DNAH9: variants seen among roughly 807,000 people sequenced by gnomAD.
DNAH9 encodes dynein axonemal heavy chain 9, also known as DNAH9 variant protein.
In DNAH9, 345 loss-of-function variants were observed where a neutral mutation model predicts 471.6. The observed-to-expected ratio is 0.73, with a 90% CI of 0.67 to 0.80. The LOEUF (loss-of-function observed/expected upper bound fraction) is 0.80. Among genes scored for constraint, DNAH9 ranks in the 30% least tolerant of loss-of-function variants. The pLI is 0.00. For missense variants in DNAH9, 5,407 were observed against 5,609.2 expected, an observed-to-expected ratio of 0.96 and a Z score of 1.15; for synonymous variants, 2,093 against 2,123.6, an observed-to-expected ratio of 0.99 and a Z score of 0.40.
chr17:11,894,700 A>T (rs1052054233), intron 59 of DNAH9, among the ~76,000 whole-genome samples: 3 of 152,162 alleles, frequency 2.0e-5, no homozygotes, highest in East Asian at 1.9e-4. Context: ...ATGCTGGTGT[A>T]TGAGGGCTCT....
At chr17:11,667,670 C>T (rs962871364) in intron 15 of DNAH9, among the ~76,000 whole-genome samples, 1 of 152,214 alleles carries the variant, frequency 6.6e-6, no homozygotes, top group Non-Finnish European at 1.5e-5. Context: ...TCCTATGGCT[C>T]CACCATTCTT....
chr17:11,659,480 T>C (rs545442005), intron 14 of DNAH9, among the ~76,000 whole-genome samples: 6 of 152,264 alleles, frequency 3.9e-5, no homozygotes, highest in African/African-American at 1.4e-4. Context: ...ATAAAACCCC[T>C]TGTGGCTGGG....
chr17:11,956,424 G>C (rs1975644150), intron 67 of DNAH9, among the ~76,000 whole-genome samples: 1 of 152,090 alleles, frequency 6.6e-6, no homozygotes, highest in Non-Finnish European at 1.5e-5. Flanking sequence ...TCAATATTTA[G>C]TAGAACAAGT....
intron 53 of DNAH9, among the ~76,000 whole-genome samples, chr17:11,878,244 GTTC>G (rs1972583106): frequency 2.0e-5 from 1 of 51,034 alleles, no homozygotes; most frequent in Non-Finnish European, 6.8e-5. Flanking sequence ...TTAATTCTTA[GTTC>G]ATGTCCATTA....
Position 11,669,539 on chromosome 17 carries a change from A to G in DNAH9, c.3098A>G (p.His1033Arg), listed in dbSNP as rs777793882. 1.9e-6 allele frequency: 3 copies of G among 1,614,160 alleles called. No homozygotes were observed. Among genetic ancestry groups the G allele is most frequent in the East Asian group, 2.2e-5 (1 of 44,874 alleles). Residue 1033 changes from histidine (H) to arginine (R), a missense_variant, in exon 17 of 69, where the codon CAC becomes CGC. His to Arg is a conservative substitution (Grantham distance 29). This residue lies in a region of DNAH9 where 4,636 missense variants were observed against 4,900.3 expected (regional missense o/e 0.95). Transcript: ENST00000262442. ...EVLGQFLLYGHILTPEEIEDH... is the reference protein window; with the variant it reads ...EVLGQFLLYGRILTPEEIEDH... ...CTGGGTCAGTTTCTGCTGTACGGGC[A>G]CATCCTCACTCCGGAAGAAATTGAA...
intron 27 of DNAH9, among the ~76,000 whole-genome samples, chr17:11,727,320 GT>G (rs1445760389): frequency 1.3e-5 from 2 of 151,998 alleles, no homozygotes; most frequent in Admixed American, 1.3e-4. Context: ...TTGTGTGTAT[GT>G]GTTTTTGTTT....
intron 67 of DNAH9, among the ~76,000 whole-genome samples, chr17:11,948,323 G>A (rs571914203): frequency 2.7e-5 from 4 of 149,406 alleles, no homozygotes; most frequent in African/African-American, 1.0e-4. Flanking sequence ...CCACCTCTTG[G>A]GTTCAAGCTA....
chr17:11,792,327 A>G (rs753472225), intron 41 of DNAH9, among the ~76,000 whole-genome samples: 3 of 152,194 alleles, frequency 2.0e-5, no homozygotes, highest in Non-Finnish European at 4.4e-5. Context: ...TTGTCACCAG[A>G]CTTGTATTCT....
At chr17:11,840,926 G>A (rs893445838) in intron 49 of DNAH9, among the ~76,000 whole-genome samples, 1 of 152,202 alleles carries the variant, frequency 6.6e-6, no homozygotes, top group Non-Finnish European at 1.5e-5. Flanking sequence ...AGAATGGCAA[G>A]ATAGTACATC....
intron 67 of DNAH9, among the ~76,000 whole-genome samples, chr17:11,945,360 A>C (rs1182441820): frequency 6.6e-6 from 1 of 151,878 alleles, no homozygotes; most frequent in African/African-American, 2.4e-5. Context: ...AACATGGCAA[A>C]ACCCCGTCTC....
chr17:11,673,331 A>G (rs1488325327), intron 17 of DNAH9, among the ~76,000 whole-genome samples: 1 of 152,046 alleles, frequency 6.6e-6, no homozygotes, highest in East Asian at 1.9e-4. Context: ...ATATTCAACC[A>G]CCTCTCCCAT....
intron 68 of DNAH9, among the ~76,000 whole-genome samples, chr17:11,963,456 C>T (rs1352012675): frequency 6.6e-6 from 1 of 150,976 alleles, no homozygotes; most frequent in Non-Finnish European, 1.5e-5. Context: ...AAGAAGACAA[C>T]GACCACATAG....
Position 11,858,952 on chromosome 17 carries a change from T to G in DNAH9, c.9933+4524T>G, listed in dbSNP as rs139132979. On this transcript the variant is annotated intron_variant, in intron 50 of 68. Transcript: ENST00000262442. ...ATACAAAATTAACCCGGCGTGGTGG[T>G]ACATGCCTGTAATCTCAGCTACTTG... Among the ~76,000 whole-genome samples the G allele has an allele frequency of 3.4e-4, 51 of 151,872 alleles. No individual in the cohort carries two copies. The South Asian group carries it at 7.7e-3, about 23-fold the overall frequency.
chr17:11,939,380 TC>T (rs1262008494), intron 66 of DNAH9, among the ~76,000 whole-genome samples: 8 of 152,146 alleles, frequency 5.3e-5, no homozygotes, highest in Non-Finnish European at 1.2e-4. Context: ...CCTTATCCCC[TC>T]CCCCAGCTAA....
chr17:11,905,146 A>G (rs967554905), intron 60 of DNAH9, among the ~76,000 whole-genome samples: 59 of 151,850 alleles, frequency 3.9e-4, no homozygotes, highest in African/African-American at 1.4e-3. Context: ...AGGCAGGGGA[A>G]TCACTTGAAC....
At chr17:11,653,969 C>T (rs1283343084) in intron 14 of DNAH9, among the ~76,000 whole-genome samples, 1 of 151,888 alleles carries the variant, frequency 6.6e-6, no homozygotes, top group African/African-American at 2.4e-5. Flanking sequence ...GGCACTGTAT[C>T]GAATACCAAG....
chr17:11,894,833 T>C (rs1316391500), intron 59 of DNAH9, among the ~76,000 whole-genome samples: 2 of 152,106 alleles, frequency 1.3e-5, no homozygotes, highest in African/African-American at 4.8e-5. Context: ...GGGGTTGATG[T>C]GGAGAGGCTG....
chr17:11,695,066 T>C (rs553159744), intron 22 of DNAH9, among the ~76,000 whole-genome samples: 6 of 150,848 alleles, frequency 4.0e-5, no homozygotes, highest in Non-Finnish European at 7.4e-5. Flanking sequence ...TTTTTTTGTA[T>C]TTTAGTAGAG....
chr17:11,765,565 A>C (rs1270232857), intron 36 of DNAH9, among the ~76,000 whole-genome samples: 2 of 152,170 alleles, frequency 1.3e-5, no homozygotes, highest in Non-Finnish European at 2.9e-5. Context: ...GGCTCTCAGG[A>C]AGTGCACCTT....
Sources: allele counts gnomAD v4.1 joint callset (sites outside exome capture counted in the v4.1 genomes callset), GRCh38; gene constraint gnomAD v4.1.1; regional missense constraint gnomAD v4.1.1; transcripts MANE v1.5; gene names NCBI Gene and HGNC (gene_info 2026-07-23, HGNC 2026-07-21).